The following AKAP7 variants were observed in gnomAD, a reference collection of about 807,000 sequenced individuals.
The protein encoded by AKAP7 is A kinase (PRKA) anchor protein 7.
AKAP7 carries 39 observed loss-of-function variants against 39.5 expected under a neutral mutation model. The ratio of observed to expected loss-of-function variants is 0.99; its 90% CI spans 0.76 to 1.29. The LOEUF is 1.29. Among genes scored for constraint, AKAP7 ranks in the 50% most tolerant of loss-of-function variants. AKAP7 has a pLI of 0.00. For missense variants in AKAP7, 414 were observed against 407.7 expected (o/e 1.02, Z -0.13); for synonymous variants, 140 against 139.1 (o/e 1.01, Z -0.05).
chr6:131,230,880 C>T (rs752068423), intron 7 of AKAP7, among the ~76,000 whole-genome samples: 1 of 151,996 alleles, frequency 6.6e-6, no homozygotes, highest in African/African-American at 2.4e-5. Flanking sequence ...CAAAGAATAT[C>T]CACAATTATC....
rs1057365374 is a variant in AKAP7 at position 131,156,677 on chromosome 6, A to G, written c.152-3382A>G. Among the ~76,000 whole-genome samples, 8 of 152,136 alleles carry G rather than the reference A, an allele frequency of 5.3e-5. No individual in the cohort carries two copies. The East Asian group carries it at 9.6e-4, about 18-fold the overall frequency. ...AAAAATAACAAAAAAAGAACTGTTC[A>G]GGGCAGCTTTTCATTTTCCATACTC... On this transcript the variant is annotated intron_variant, in intron 2 of 7. Transcript: ENST00000431975.
intron 7 of AKAP7, among the ~76,000 whole-genome samples, chr6:131,268,952 CAT>C (rs1440013939): frequency 1.3e-5 from 2 of 152,150 alleles, no homozygotes; most frequent in Non-Finnish European, 2.9e-5. Context: ...ATGCTTGTGA[CAT>C]GTTTGAAACT....
chr6:131,264,854 C>T (rs1562253169), intron 7 of AKAP7, among the ~76,000 whole-genome samples: 1 of 152,122 alleles, frequency 6.6e-6, no homozygotes, highest in Non-Finnish European at 1.5e-5. Flanking sequence ...ATGGCAAGAG[C>T]AGGAGCAAGA....
At chr6:131,186,917 C>T (rs999732639) in intron 5 of AKAP7, among the ~76,000 whole-genome samples, 2 of 152,120 alleles carry the variant, frequency 1.3e-5, no homozygotes, top group Admixed American at 1.3e-4. Flanking sequence ...ACATTCAGAC[C>T]ATAGCAACCA....
At chr6:131,244,840 A>C (rs2128315247) in intron 7 of AKAP7, among the ~76,000 whole-genome samples, 1 of 152,350 alleles carries the variant, frequency 6.6e-6, no homozygotes, top group Non-Finnish European at 1.5e-5. Flanking sequence ...TTTATAGAAA[A>C]AAAAATTCTC....
chr6:131,154,357 T>A (rs1253206277), intron 2 of AKAP7, among the ~76,000 whole-genome samples: 2 of 152,160 alleles, frequency 1.3e-5, no homozygotes, highest in African/African-American at 4.8e-5. Flanking sequence ...CCGCAAATTG[T>A]CGTAATTAGT....
chr6:131,164,514 G>A (rs1297316913), intron 3 of AKAP7: 1 of 443,256 alleles, frequency 2.3e-6, no homozygotes. Flanking sequence ...ACTCTTCATG[G>A]TAATGCCCCT....
chr6:131,156,322 T>C (rs1239746861), intron 2 of AKAP7, among the ~76,000 whole-genome samples: 1 of 152,156 alleles, frequency 6.6e-6, no homozygotes. Flanking sequence ...AAATTTATTT[T>C]TCAACATTAT....
intron 7 of AKAP7, among the ~76,000 whole-genome samples, chr6:131,231,228 A>G (rs1279061071): frequency 6.6e-6 from 1 of 152,204 alleles, no homozygotes; most frequent in Non-Finnish European, 1.5e-5. Context: ...AAATGTAACA[A>G]GTATAAAAAT....
intron 7 of AKAP7, among the ~76,000 whole-genome samples, chr6:131,242,702 G>A (rs981072944): frequency 2.0e-5 from 3 of 152,048 alleles, no homozygotes; most frequent in Middle Eastern, 3.2e-3. Context: ...CTTTTGCCCC[G>A]AAGGTGATGA....
At chr6:131,159,897 A>G (rs1423889589) in intron 2 of AKAP7, among the ~76,000 whole-genome samples, 162 bp from the exon 3 acceptor site, 1 of 152,186 alleles carries the variant, frequency 6.6e-6, no homozygotes, top group Non-Finnish European at 1.5e-5. Flanking sequence ...TGCCTAAACT[A>G]TTTACTATGA....
chr6:131,255,033 C>T (rs1296795265), intron 7 of AKAP7, among the ~76,000 whole-genome samples: 2 of 152,132 alleles, frequency 1.3e-5, no homozygotes, highest in Admixed American at 6.5e-5. Flanking sequence ...AAATTTTACA[C>T]AAGGACATCT....
chr6:131,241,627 G>GTGTGTGTATATATATATA, intron 7 of AKAP7, among the ~76,000 whole-genome samples: 9 of 86,638 alleles, frequency 1.0e-4, no homozygotes, highest in African/African-American at 4.0e-4. Context: ...GTGTGTGTGT[G>GTGTGTGTATATATATATA]TATATATATA....
rs371232881 is a variant in AKAP7 at position 131,160,109 on chromosome 6, G to A, written c.202G>A (p.Val68Ile). The change falls in exon 3 of 8, where the codon GTC becomes ATC. Residue 68 changes from valine (V) to isoleucine (I), a missense_variant. By Grantham distance (29) the Val-to-Ile change is conservative. Coordinates refer to ENST00000431975, the MANE Select transcript of AKAP7 (RefSeq NM_016377.4). ...GAAGAGAAGTCAAGAAAATGAATGGGTCAAGAGTGATCAAGTAAAGAAGAG... is the reference window on the plus strand; with the variant it reads ...GAAGAGAAGTCAAGAAAATGAATGGATCAAGAGTGATCAAGTAAAGAAGAG... ...NLKRSQENEWVKSDQVKKRKK... is the reference protein window; with the variant it reads ...NLKRSQENEWIKSDQVKKRKK... The A allele has an allele frequency of 2.5e-6, 4 of 1,611,050 alleles. No homozygotes were observed. The highest frequency in any genetic ancestry group is 1.1e-5 in the South Asian group (1 of 90,422).
At chr6:131,184,854 A>G in intron 5 of AKAP7, 2 of 1,437,176 alleles carry the variant, frequency 1.4e-6, no homozygotes, top group South Asian at 2.3e-5. Flanking sequence ...AACGTTTTCC[A>G]CAAATGTCAC....
rs1240813124 is a variant in AKAP7, at chr6:131,281,871, G to C, written c.*145G>C. On this transcript the variant is annotated 3_prime_UTR_variant, in exon 8 of 8. Transcript: ENST00000431975. This position sits in a 1 kb window ranked among gnomAD's most constrained non-coding sequence, Gnocchi z 4.0. The stretch of plus-strand genomic sequence containing the variant: ...TTGCCTAATACTTTTCATGATCGAT[G>C]TGTTCGCATTGCTGAAACACAACAG... The C allele has an allele frequency of 7.8e-7, 1 of 1,280,514 alleles. No homozygotes were observed. 79.3% of individuals were successfully genotyped at this position (1,280,514 alleles called of 1,614,324 possible).
chr6:131,184,402 C>A (rs1475643247), intron 5 of AKAP7: 2 of 661,782 alleles, frequency 3.0e-6, no homozygotes, highest in African/African-American at 3.6e-5. Flanking sequence ...CTCCAACTTC[C>A]TTCAGGGGGC....
At chr6:131,232,169 G>T (rs1472260268) in intron 7 of AKAP7, among the ~76,000 whole-genome samples, 1 of 152,134 alleles carries the variant, frequency 6.6e-6, no homozygotes, top group Non-Finnish European at 1.5e-5. Flanking sequence ...TAGGAACCCT[G>T]CATATTAAAG....
chr6:131,246,392 A>G (rs1419643800), intron 7 of AKAP7, among the ~76,000 whole-genome samples: 1 of 152,206 alleles, frequency 6.6e-6, no homozygotes. Flanking sequence ...AAGCATGGAA[A>G]GGTTATGGTT....
Sources: allele counts gnomAD v4.1 joint callset (sites outside exome capture counted in the v4.1 genomes callset), GRCh38; gene constraint gnomAD v4.1.1; non-coding constraint Gnocchi (gnomAD v3.1); transcripts MANE v1.5; gene names NCBI Gene and HGNC (gene_info 2026-07-23, HGNC 2026-07-21).